GRM7: variants seen among roughly 807,000 people sequenced by gnomAD.
The protein encoded by GRM7 is glutamate metabotropic receptor 7, also known as metabotropic glutamate receptor 7.
In GRM7, 35 loss-of-function variants were observed where a neutral mutation model predicts 84.5. That is an observed-to-expected ratio of 0.41 (90% confidence interval 0.32 to 0.55). The LOEUF (loss-of-function observed/expected upper bound fraction) is 0.55, where lower values mean the gene tolerates loss of function less well. Ranked by LOEUF, GRM7 falls within the 20% of genes least tolerant of loss-of-function variation. GRM7 has a pLI of 0.19. For synonymous variants in GRM7, 487 were observed against 455.1 expected, an observed-to-expected ratio of 1.07 and a Z score of -0.89; for missense variants, 1,003 against 1,194.6, an observed-to-expected ratio of 0.84 and a Z score of 2.36.
intron 8 of GRM7, among the ~76,000 whole-genome samples, chr3:7,661,753 C>T (rs1208420047): frequency 7.5e-6 from 1 of 132,682 alleles, no homozygotes; most frequent in East Asian, 2.3e-4. Flanking sequence ...GAGATCGTGC[C>T]ACTGCACTCC....
At chr3:7,211,681 G>GA (rs960648123) in intron 2 of GRM7, among the ~76,000 whole-genome samples, 8 of 141,206 alleles carry the variant, frequency 5.7e-5, no homozygotes, top group Non-Finnish European at 9.1e-5. Context: ...ACACTGAAGG[G>GA]AAAAAATTCT....
intron 1 of GRM7, among the ~76,000 whole-genome samples, chr3:7,020,039 G>A (rs747627924): frequency 3.3e-5 from 5 of 152,088 alleles, no homozygotes; most frequent in South Asian, 4.1e-4. Flanking sequence ...TATTAGAGAC[G>A]GGTTTCACCA....
intron 6 of GRM7, among the ~76,000 whole-genome samples, chr3:7,459,461 G>A (rs143379557): frequency 7.1e-4 from 108 of 152,136 alleles, no homozygotes; most frequent in African/African-American, 2.5e-3. Context: ...CCTAATACTG[G>A]GTAATTTATA....
intron 4 of GRM7, among the ~76,000 whole-genome samples, chr3:7,386,905 T>C (rs1276334988): frequency 1.3e-5 from 2 of 152,210 alleles, no homozygotes; most frequent in East Asian, 3.8e-4. Context: ...AGTGTTCCCT[T>C]TTCTCTGCAA....
chr3:7,388,356 A>T (rs1041748180), intron 4 of GRM7, among the ~76,000 whole-genome samples: 3 of 151,950 alleles, frequency 2.0e-5, no homozygotes, highest in African/African-American at 7.2e-5. Flanking sequence ...GTATTTTGTT[A>T]AGGATTTTTG....
At chr3:7,665,365 C>T (rs1162387359) in intron 8 of GRM7, among the ~76,000 whole-genome samples, 11 of 151,678 alleles carry the variant, frequency 7.3e-5, no homozygotes, top group South Asian at 2.1e-4. Context: ...TTAGTAGAGA[C>T]GGGGTTTCAC....
chr3:7,670,298 G>T (rs1380761833), intron 8 of GRM7, among the ~76,000 whole-genome samples: 1 of 152,162 alleles, frequency 6.6e-6, no homozygotes, highest in Non-Finnish European at 1.5e-5. Context: ...GGACAGGAAA[G>T]ATGCAGTCCA....
At chr3:6,945,959 G>A (rs1698062478) in intron 1 of GRM7, among the ~76,000 whole-genome samples, 2 of 151,974 alleles carry the variant, frequency 1.3e-5, no homozygotes, top group Non-Finnish European at 2.9e-5. Flanking sequence ...CTGGATATTA[G>A]CCCTTTGTCA....
intron 7 of GRM7, among the ~76,000 whole-genome samples, chr3:7,477,501 A>G (rs1216005118): frequency 6.6e-6 from 1 of 152,168 alleles, no homozygotes. Context: ...ATTATTTTCA[A>G]AAAGACATTC....
chr3:7,690,116 A>G (rs931465659), intron 9 of GRM7, among the ~76,000 whole-genome samples: 11 of 152,124 alleles, frequency 7.2e-5, no homozygotes, highest in African/African-American at 2.7e-4. Flanking sequence ...GTACAAGAGA[A>G]TGTGACATGT....
chr3:7,403,247 T>C (rs1435689719), intron 4 of GRM7: 3 of 380,178 alleles, frequency 7.9e-6, no homozygotes, highest in Non-Finnish European at 1.6e-5. Context: ...TGTAAGATTA[T>C]GATTCTTGGA....
intron 2 of GRM7, among the ~76,000 whole-genome samples, chr3:7,279,555 T>A (rs1221261902): frequency 6.6e-6 from 1 of 152,050 alleles, no homozygotes; most frequent in Non-Finnish European, 1.5e-5. Context: ...GGGAGCAGAA[T>A]CCATGAGTAA....
chr3:7,102,867 GT>G (rs757006254), intron 1 of GRM7, among the ~76,000 whole-genome samples: 6 of 151,524 alleles, frequency 4.0e-5, no homozygotes, highest in Middle Eastern at 3.4e-3. Context: ...TATTGGTTTT[GT>G]TTTGTTTTCA....
chr3:6,951,866 T>C (rs1041661946), intron 1 of GRM7, among the ~76,000 whole-genome samples: 3 of 152,220 alleles, frequency 2.0e-5, no homozygotes, highest in African/African-American at 4.8e-5. Context: ...TCATATATTT[T>C]GTAGCTCTGT....
intron 2 of GRM7, among the ~76,000 whole-genome samples, chr3:7,260,308 T>A (rs1341115843): frequency 6.6e-6 from 1 of 152,156 alleles, no homozygotes; most frequent in Non-Finnish European, 1.5e-5. Context: ...AATTTGTCCA[T>A]TTTTGCTTCT....
intron 7 of GRM7, among the ~76,000 whole-genome samples, chr3:7,478,096 G>A (rs1449571058): frequency 6.6e-6 from 1 of 151,870 alleles, no homozygotes; most frequent in East Asian, 1.9e-4. Flanking sequence ...ACATGAACTT[G>A]GCTGTCCTTG....
At chr3:7,547,589 C>T (rs1693226840) in intron 7 of GRM7, among the ~76,000 whole-genome samples, 1 of 152,096 alleles carries the variant, frequency 6.6e-6, no homozygotes, top group Non-Finnish European at 1.5e-5. Flanking sequence ...AATCCTATTG[C>T]CCAGGTCCAA....
At chr3:6,948,666 C>T (rs980375412) in intron 1 of GRM7, among the ~76,000 whole-genome samples, 1 of 152,166 alleles carries the variant, frequency 6.6e-6, no homozygotes, top group Non-Finnish European at 1.5e-5. Flanking sequence ...GTTAAAGTCT[C>T]CCATTATTAT....
intron 7 of GRM7, among the ~76,000 whole-genome samples, chr3:7,570,517 C>T (rs954769334): frequency 3.3e-5 from 5 of 152,198 alleles, no homozygotes; most frequent in Admixed American, 3.3e-4. Context: ...GCTCCTTTTA[C>T]TCCATGTCTC....
Sources: allele counts gnomAD v4.1 joint callset (sites outside exome capture counted in the v4.1 genomes callset), GRCh38; gene constraint gnomAD v4.1.1; transcripts MANE v1.5; gene names NCBI Gene and HGNC (gene_info 2026-07-23, HGNC 2026-07-21).